The following ELAVL2 variants were observed in gnomAD, a reference collection of about 807,000 sequenced individuals.
ELAVL2 encodes ELAV like RNA binding protein 2, also known as ELAV-like protein 2.
A neutral mutation model predicts 34.6 loss-of-function variants in ELAVL2; 4 were observed. That is an observed-to-expected ratio of 0.12 (90% CI 0.06 to 0.26). The LOEUF is 0.26. Among genes scored for constraint, ELAVL2 ranks in the 10% least tolerant of loss-of-function variants. ELAVL2 has a pLI of 1.00. For missense variants in ELAVL2, 432 were observed against 442.8 expected, an observed-to-expected ratio of 0.98 and a Z score of 0.22; for synonymous variants, 193 against 154.8, an observed-to-expected ratio of 1.25 and a Z score of -1.83.
At chr9:23,779,272 T>C (rs1265116039) in intron 1 of ELAVL2, 1 of 985,260 alleles carries the variant, frequency 1.0e-6, no homozygotes, top group Non-Finnish European at 1.2e-6. Flanking sequence ...TTTACCCCAG[T>C]AGAATCCCAT....
chr9:23,834,970 GGA>G, the ELAVL2 span, among the ~76,000 whole-genome samples: 4 of 152,002 alleles, frequency 2.6e-5, no homozygotes, highest in African/African-American at 9.7e-5. Flanking sequence ...TGTAACCCCA[GGA>G]GGTATAGAAG....
At chr9:23,717,426 C>T (rs1041915697) in intron 3 of ELAVL2, among the ~76,000 whole-genome samples, 1 of 152,118 alleles carries the variant, frequency 6.6e-6, no homozygotes, top group Admixed American at 6.6e-5. Flanking sequence ...ATGTAAAGTA[C>T]AGGGCTAGGT....
intron 6 of ELAVL2, among the ~76,000 whole-genome samples, chr9:23,693,234 A>T (rs1285910453): frequency 6.6e-6 from 1 of 152,250 alleles, no homozygotes; most frequent in African/African-American, 2.4e-5. Flanking sequence ...ACGCAATACG[A>T]AACAAATGAT....
chr9:23,719,783 T>C (rs2043189744), intron 3 of ELAVL2, among the ~76,000 whole-genome samples: 1 of 151,222 alleles, frequency 6.6e-6, no homozygotes, highest in Admixed American at 6.6e-5. Context: ...GTTGGCAGGC[T>C]ATAAAAATAA....
the ELAVL2 span, among the ~76,000 whole-genome samples, chr9:23,845,936 T>A: frequency 6.6e-6 from 1 of 151,884 alleles, no homozygotes; most frequent in Non-Finnish European, 1.5e-5. Context: ...CAGTTTTCTG[T>A]TGAATGTCAA....
the ELAVL2 span, among the ~76,000 whole-genome samples, chr9:23,837,247 C>T: frequency 1.2e-4 from 18 of 152,152 alleles, no homozygotes; most frequent in Non-Finnish European, 1.8e-4. Context: ...TAGCCCAGGA[C>T]GCCTCTAAGA....
chr9:23,821,566 C>T (rs2064737598), intron 1 of ELAVL2: 1 of 152,426 alleles, frequency 6.6e-6, no homozygotes, highest in Non-Finnish European at 1.5e-5. Flanking sequence ...AGGGGCAAGG[C>T]GCGGACGCCG....
rs572664178 is a variant in ELAVL2, at chr9:23,691,043, A to C, written c.*1514T>G. ...ACTCATTTTTTTATACCACAAACAT[A>C]TTTATAAACCAAAATGTAGCATCAC... On this transcript the variant is annotated 3_prime_UTR_variant, in exon 7 of 7. Coordinates refer to ENST00000397312, the MANE Select transcript of ELAVL2 (RefSeq NM_004432.5). The C allele has an allele frequency of 2.0e-5, 3 of 152,666 alleles. No individual in the cohort carries two copies. Among genetic ancestry groups the C allele is most frequent in the African/African-American group, 7.2e-5 (3 of 41,548 alleles). The allele number at this position is 152,666 out of a possible 1,614,324, so 9.5% of individuals were successfully genotyped here.
intron 2 of ELAVL2, among the ~76,000 whole-genome samples, chr9:23,746,883 C>A (rs188419160): frequency 6.6e-6 from 1 of 150,890 alleles, no homozygotes; most frequent in East Asian, 1.9e-4. Context: ...CAATATTAAT[C>A]ATCAAATGAA....
chr9:23,799,310 G>A (rs1168845680), intron 1 of ELAVL2, among the ~76,000 whole-genome samples: 1 of 152,156 alleles, frequency 6.6e-6, no homozygotes, highest in Non-Finnish European at 1.5e-5. Flanking sequence ...GATCTTTAGA[G>A]GAGAAAAGCA....
At chr9:23,745,443 G>C in intron 2 of ELAVL2, among the ~76,000 whole-genome samples, 1 of 151,758 alleles carries the variant, frequency 6.6e-6, no homozygotes, top group East Asian at 1.9e-4. Context: ...AATCCTTTAG[G>C]TGTACACAAA....
chr9:23,725,894 A>G (rs1007507548), intron 3 of ELAVL2, among the ~76,000 whole-genome samples: 3 of 152,164 alleles, frequency 2.0e-5, no homozygotes, highest in Admixed American at 1.3e-4. Context: ...AAAAGCAGGT[A>G]ATGAAAATTC....
chr9:23,730,639 G>C (rs2046299080), intron 3 of ELAVL2, among the ~76,000 whole-genome samples: 1 of 152,112 alleles, frequency 6.6e-6, no homozygotes. Flanking sequence ...AGGCAGAGTT[G>C]AGAAGTTGTG....
chr9:23,815,369 C>T (rs2063558744), intron 1 of ELAVL2, among the ~76,000 whole-genome samples: 3 of 152,054 alleles, frequency 2.0e-5, no homozygotes, highest in Admixed American at 6.6e-5. Flanking sequence ...TGTCTATTTC[C>T]ATACTGAAAT....
the ELAVL2 span, among the ~76,000 whole-genome samples, chr9:23,841,496 G>A: frequency 2.6e-5 from 4 of 152,076 alleles, no homozygotes; most frequent in Non-Finnish European, 4.4e-5. Context: ...CTAGGTTTAA[G>A]AATGCAAACC....
rs141737538 is a variant in ELAVL2 at position 23,790,367 on chromosome 9, T to C, written c.-15-28118A>G. Among the ~76,000 whole-genome samples the C allele has an allele frequency of 1.5e-3, 227 of 152,294 alleles. 1 individual carries two copies. The highest frequency in any genetic ancestry group is 5.2e-3 in the African/African-American group (217 of 41,574). ...CATTATTAGACACCCCAATACCCGC[T>C]TTCCCAGTCTGTGACTGCACAGGTA... On this transcript the variant is annotated intron_variant, in intron 1 of 6. Transcript: ENST00000397312.
At chr9:23,695,659 C>T (rs1173806769) in intron 5 of ELAVL2, among the ~76,000 whole-genome samples, 1 of 152,176 alleles carries the variant, frequency 6.6e-6, no homozygotes. Context: ...GTCTACAAAC[C>T]TGTATAACAT....
chr9:23,730,844 A>AC (rs2046348291), intron 3 of ELAVL2, among the ~76,000 whole-genome samples, 178 bp downstream of exon 3: 1 of 152,154 alleles, frequency 6.6e-6, no homozygotes, highest in Non-Finnish European at 1.5e-5. Context: ...GAATGATTAT[A>AC]CATAGCACTC....
intron 1 of ELAVL2, among the ~76,000 whole-genome samples, chr9:23,804,107 A>G (rs1327471098): frequency 6.6e-6 from 1 of 152,192 alleles, no homozygotes; most frequent in African/African-American, 2.4e-5. Flanking sequence ...TGCAAATTAA[A>G]AAATATATAT....
Sources: allele counts gnomAD v4.1 joint callset (sites outside exome capture counted in the v4.1 genomes callset), GRCh38; gene constraint gnomAD v4.1.1; transcripts MANE v1.5; gene names NCBI Gene and HGNC (gene_info 2026-07-23, HGNC 2026-07-21).